HMCN1: variants seen among roughly 807,000 people sequenced by gnomAD.
The protein encoded by HMCN1 is hemicentin-1.
Under a neutral mutation model 625.9 loss-of-function variants are expected in HMCN1, and 321 were observed. The ratio of observed to expected loss-of-function variants is 0.51; its 90% CI spans 0.47 to 0.56. The LOEUF (loss-of-function observed/expected upper bound fraction) is 0.56. HMCN1 is among the 20% of genes least tolerant of loss of function. HMCN1 has a pLI of 0.00. For synonymous variants in HMCN1, 2,425 were observed against 2,417.6 expected (o/e 1.00, Z -0.09); for missense variants, 6,588 against 6,887.3 (o/e 0.96, Z 1.54).
chr1:185,945,794 G>C (rs923848825), intron 11 of HMCN1, among the ~76,000 whole-genome samples: 1 of 152,152 alleles, frequency 6.6e-6, no homozygotes, highest in Non-Finnish European at 1.5e-5. Flanking sequence ...AAGAGTGGAG[G>C]ACCCAGCAGA....
intron 84 of HMCN1, 55 bp from the exon 85 acceptor site, chr1:186,130,452 A>G (rs1661870684): frequency 6.4e-7 from 1 of 1,554,464 alleles, no homozygotes; most frequent in Admixed American, 1.7e-5. Flanking sequence ...CAAAGATCAC[A>G]AAGAAATTAT....
chr1:185,738,711 C>T (rs1653766996), intron 1 of HMCN1, among the ~76,000 whole-genome samples: 1 of 152,102 alleles, frequency 6.6e-6, no homozygotes, highest in Non-Finnish European at 1.5e-5. Context: ...TTCCAACCTC[C>T]TCAATACACT....
intron 1 of HMCN1, among the ~76,000 whole-genome samples, chr1:185,774,002 C>T (rs1174990791): frequency 6.6e-6 from 1 of 152,004 alleles, no homozygotes; most frequent in Non-Finnish European, 1.5e-5. Flanking sequence ...AAAAGCTATG[C>T]GTGGAGCTCA....
intron 102 of HMCN1, among the ~76,000 whole-genome samples, 157 bp downstream of exon 102, chr1:186,172,288 A>C (rs1449519099): frequency 6.6e-6 from 1 of 152,224 alleles, no homozygotes; most frequent in East Asian, 1.9e-4. Flanking sequence ...ATTGAGCTCC[A>C]GGTCCCAGGG....
At chr1:186,164,136 A>G (rs888930793) in intron 97 of HMCN1, among the ~76,000 whole-genome samples, 1 of 151,966 alleles carries the variant, frequency 6.6e-6, no homozygotes, top group Non-Finnish European at 1.5e-5. Flanking sequence ...CTATCCTAGT[A>G]CCACCCCCCT....
chr1:185,734,966 G>T lies in HMCN1; in HGVS notation c.187G>T (p.Ala63Ser). Residue 63 changes from alanine to serine, a missense_variant, in exon 1 of 107, where the codon GCT becomes TCT. Around this residue, in one of 3 missense-constraint regions of HMCN1, gnomAD observed 4,628 missense variants for 4,853.1 expected, o/e 0.95. Coordinates refer to ENST00000271588, the MANE Select transcript of HMCN1 (RefSeq NM_031935.3). ...TGATTTAGTTCAGGTGATTGAAGGG[G>T]CTTCCAAAATTTTGGAGACGTCTTT... is the stretch of plus-strand genomic sequence containing the variant. Reference protein sequence around the residue: ...YDDLVQVIEGASKILETSLKR... With the variant: ...YDDLVQVIEGSSKILETSLKR... 6.2e-7 allele frequency: 1 copy of T among 1,614,080 alleles called. No individual in the cohort carries two copies. The highest frequency in any genetic ancestry group is 8.5e-7 in the Non-Finnish European group (1 of 1,180,006).
chr1:186,098,393 T>G lies in HMCN1; in HGVS notation c.10573+2872T>G, dbSNP rs150917512. Among the ~76,000 whole-genome samples the G allele has an allele frequency of 3.7e-3, 567 of 152,110 alleles. 4 individuals carry two copies. The highest frequency in any genetic ancestry group is 0.013 in the African/African-American group (540 of 41,516). On this transcript the variant is annotated intron_variant, in intron 68 of 106. Coordinates refer to ENST00000271588, the MANE Select transcript of HMCN1 (RefSeq NM_031935.3). ...AAATGGACAAAAACCTTAACAGACA[T>G]TTCTCAAAAGATGACATGTAAATGG...
chr1:185,904,547 T>C (rs1665989664), intron 4 of HMCN1, among the ~76,000 whole-genome samples: 1 of 151,872 alleles, frequency 6.6e-6, no homozygotes. Flanking sequence ...TTTCACTAGA[T>C]ATTATTTCAG....
chr1:185,990,185 A>G, intron 21 of HMCN1, 90 bp from the exon 22 acceptor site: 1 of 1,099,680 alleles, frequency 9.1e-7, no homozygotes. Flanking sequence ...AAATTACTTA[A>G]GAACATTAGT....
rs1199147973 is a variant in HMCN1, at chr1:185,864,916, A to T, written c.498+288A>T. On this transcript the variant is annotated intron_variant, in intron 3 of 106. Transcript: ENST00000271588. ...CTTATAACTGACAAAACACAGGCCT[A>T]ACCAAAAAAGGCTTATATTCCAATG... 2.0e-5 allele frequency among the ~76,000 whole-genome samples: 3 copies of T among 152,240 alleles called. No individual in the cohort carries two copies. The East Asian group carries it at 5.8e-4, about 29-fold the overall frequency.
Position 185,997,490 on chromosome 1 carries a change from C to G in HMCN1, c.3840C>G (p.Ala1280=), listed in dbSNP as rs1052297616. The change falls in exon 25 of 107, where the codon GCC becomes GCG. Residue 1280 remains alanine, a synonymous_variant. Transcript: ENST00000271588. ...PYNTTFQERV[A]NQRIEFPCPA... is the part of the protein sequence containing the mutation. ...ACACTACTTTCCAAGAAAGAGTGGCCAATCAACGCATTGAATTTCCATGTC... is the reference window on the plus strand; with the variant it reads ...ACACTACTTTCCAAGAAAGAGTGGCGAATCAACGCATTGAATTTCCATGTC... 1 of 1,612,018 alleles carries G rather than the reference C, an allele frequency of 6.2e-7. No individual in the cohort carries two copies. The highest frequency in any genetic ancestry group is 1.7e-5 in the Admixed American group (1 of 59,908).
At chr1:185,785,309 A>G (rs1164986948) in intron 1 of HMCN1, among the ~76,000 whole-genome samples, 2 of 152,220 alleles carry the variant, frequency 1.3e-5, no homozygotes, top group African/African-American at 2.4e-5. Flanking sequence ...TGGTGTATGT[A>G]GGAGTAGGAT....
intron 25 of HMCN1, among the ~76,000 whole-genome samples, chr1:185,999,395 A>T (rs568885980): frequency 1.3e-5 from 2 of 151,776 alleles, no homozygotes; most frequent in Non-Finnish European, 2.9e-5. Context: ...TTGTTGTATC[A>T]TTTTTTTTCT....
Position 185,928,643 on chromosome 1 carries a change from G to A in HMCN1, c.1528G>A (p.Ala510Thr), listed in dbSNP as rs981918593. 3.1e-6 allele frequency: 5 copies of A among 1,613,366 alleles called. No homozygotes were observed. In the African/African-American group the frequency reaches 5.3e-5, roughly 17 times the overall value. Residue 510 changes from alanine to threonine, a missense_variant, in exon 10 of 107, where the codon GCA (alanine) becomes ACA (threonine). By Grantham distance (58) the Ala-to-Thr change is moderately conservative. Transcript: ENST00000271588. The part of the protein sequence containing the change: ...IAVSSAGTGR[A>T]QTFFDVSEPP... ...TGTCAGCAGTGCAGGTACTGGACGG[G>A]CACAGACATTTTTTGACGTATCAGG...
Position 186,001,344 on chromosome 1 carries a change from G to T in HMCN1, c.4116G>T (p.Val1372=), listed in dbSNP as rs201363508. 6 of 1,611,998 alleles carry T rather than the reference G, an allele frequency of 3.7e-6. No homozygotes were observed. The East Asian group carries it at 1.1e-4, about 30-fold the overall frequency. ...AAGAACAAGTTACAAATGTGTCGGT[G>T]TTGTTAAATCAGCTGACCAATCTCT... The part of the protein sequence containing the change: ...KDKEQVTNVS[V]LLNQLTNLFC... The change falls in exon 27 of 107, where the codon GTG becomes GTT. Residue 1372 remains valine, a synonymous_variant. Coordinates refer to ENST00000271588, the MANE Select transcript of HMCN1 (RefSeq NM_031935.3).
chr1:185,957,779 A>G (rs1298303364), intron 11 of HMCN1, among the ~76,000 whole-genome samples: 1 of 152,200 alleles, frequency 6.6e-6, no homozygotes. Flanking sequence ...ACGTCACCAG[A>G]GAGAATATTG....
chr1:185,916,185 A>G (rs1666691289), intron 6 of HMCN1, among the ~76,000 whole-genome samples: 1 of 152,114 alleles, frequency 6.6e-6, no homozygotes, highest in Non-Finnish European at 1.5e-5. Flanking sequence ...TCTAGCTTCT[A>G]TGATTGTGTC....
intron 1 of HMCN1, among the ~76,000 whole-genome samples, chr1:185,766,739 G>A (rs1323982111): frequency 6.6e-6 from 1 of 151,946 alleles, no homozygotes; most frequent in African/African-American, 2.4e-5. Context: ...CTAAGCCTCC[G>A]AGAATTCCCA....
At chr1:186,112,445 A>T (rs1285453569) in intron 71 of HMCN1, among the ~76,000 whole-genome samples, 1 of 152,194 alleles carries the variant, frequency 6.6e-6, no homozygotes, top group African/African-American at 2.4e-5. Flanking sequence ...ACATGATAAG[A>T]CTGCCACTAG....
Sources: gnomAD v4.1 joint callset for allele counts (sites outside exome capture counted in the v4.1 genomes callset) on GRCh38, gnomAD v4.1.1 for gene constraint, gnomAD v4.1.1 regional missense constraint, MANE v1.5 for transcripts, NCBI Gene and HGNC (gene_info 2026-07-23, HGNC 2026-07-21) for gene names.